Variants in CFAP77 observed in about 807,000 individuals in gnomAD.
CFAP77 encodes the protein cilia- and flagella-associated protein 77.
CFAP77 carries 25 observed loss-of-function variants against 31.1 expected under a neutral mutation model. The observed-to-expected ratio is 0.80, with a 90% CI of 0.59 to 1.12. The LOEUF (loss-of-function observed/expected upper bound fraction) is 1.12, where lower values mean the gene tolerates loss of function less well. Among genes scored for constraint, CFAP77 ranks in the 50% most tolerant of loss-of-function variants. The pLI, the probability that CFAP77 is intolerant of heterozygous loss-of-function variation, is 0.00. For missense variants in CFAP77, 377 were observed against 397.3 expected (o/e 0.95, Z 0.44); for synonymous variants, 151 against 159.9 (o/e 0.94, Z 0.42).
At chr9:132,475,410 T>G (rs1026265857) in intron 1 of CFAP77, among the ~76,000 whole-genome samples, 1 of 152,204 alleles carries the variant, frequency 6.6e-6, no homozygotes, top group Non-Finnish European at 1.5e-5. Flanking sequence ...AAGGCTGGTC[T>G]GCAGTTGGGA....
At chr9:132,462,196 C>T (rs1050624113) in intron 1 of CFAP77, among the ~76,000 whole-genome samples, 44 of 152,048 alleles carry the variant, frequency 2.9e-4, no homozygotes, top group African/African-American at 1.0e-3. Context: ...GAATGGGTTC[C>T]CCTGGGACGG....
At chr9:132,478,040 G>A (rs748534560) in intron 1 of CFAP77, among the ~76,000 whole-genome samples, 2 of 151,642 alleles carry the variant, frequency 1.3e-5, no homozygotes, top group Non-Finnish European at 2.9e-5. Context: ...TTTCCTTCTC[G>A]TCTACCCAAC....
Position 132,477,210 on chromosome 9 carries a change from C to G in CFAP77, c.196-21485C>G, listed in dbSNP as rs555132292. 3.3e-5 allele frequency among the ~76,000 whole-genome samples: 5 copies of G among 152,242 alleles called. No homozygotes were observed. The South Asian group carries it at 8.3e-4, about 25-fold the overall frequency. On this transcript the variant is annotated intron_variant, in intron 1 of 5. Coordinates refer to ENST00000393216, the MANE Select transcript of CFAP77 (RefSeq NM_001282957.2). ...TGCCTCTGGCGATTAGCAAGGTGAC[C>G]CTGGGCACATGTCACCTCTCTGACT...
chr9:132,499,382 C>G lies in CFAP77; in HGVS notation c.306C>G (p.Arg102=). The G allele has an allele frequency of 6.2e-7, 1 of 1,614,104 alleles. No individual in the cohort carries two copies. Among genetic ancestry groups the G allele is most frequent in the East Asian group, 2.2e-5 (1 of 44,882 alleles). Residue 102 remains arginine (R), a synonymous_variant, in exon 3 of 6, where the codon CGC becomes CGG. Transcript: ENST00000393216. The surrounding 1 kb of genome is among the most constrained non-coding windows in gnomAD (Gnocchi z 5.4). ...LDGGVPEAIG[R]WNVFKQQPTC... ...TCTCCCTGCCCTCAGCCATCGGACG[C>G]TGGAACGTGTTCAAGCAGCAGCCCA...
At chr9:132,572,056 G>A (rs1829965605) in intron 5 of CFAP77, among the ~76,000 whole-genome samples, 1 of 152,214 alleles carries the variant, frequency 6.6e-6, no homozygotes, top group Middle Eastern at 3.4e-3. Flanking sequence ...CTTGTTTGGG[G>A]TTTTTAATGG....
intron 1 of CFAP77, among the ~76,000 whole-genome samples, chr9:132,428,098 A>G (rs958634185): frequency 7.9e-5 from 12 of 151,898 alleles, no homozygotes; most frequent in East Asian, 1.9e-4. Context: ...TCCTGGCTCA[A>G]GTGATTCTCC....
chr9:132,529,658 C>T (rs1025337058), intron 3 of CFAP77, among the ~76,000 whole-genome samples: 68 of 151,752 alleles, frequency 4.5e-4, no homozygotes, highest in African/African-American at 1.4e-3. Flanking sequence ...AACCCCGTCT[C>T]TACTAAAAAT....
chr9:132,531,736 C>G (rs1040231054), intron 3 of CFAP77, among the ~76,000 whole-genome samples: 1 of 152,036 alleles, frequency 6.6e-6, no homozygotes, highest in African/African-American at 2.4e-5. Context: ...CAAGGTAATG[C>G]GCCCCAGCAG....
chr9:132,470,969 C>T (rs1420375066), intron 1 of CFAP77, among the ~76,000 whole-genome samples: 2 of 152,194 alleles, frequency 1.3e-5, no homozygotes, highest in African/African-American at 4.8e-5. Context: ...CAGAGTGAGA[C>T]TCTGTTTCAA....
Position 132,412,521 on chromosome 9 carries a change from C to G in CFAP77, c.195+2055C>G, listed in dbSNP as rs182988296. ...CAGAGAAATTGACCGCAAAAGGGAA[C>G]CTTGACTGTTATCTTTTCTGGACCC... On this transcript the variant is annotated intron_variant, in intron 1 of 5. Transcript: ENST00000393216. 3.9e-5 allele frequency among the ~76,000 whole-genome samples: 6 copies of G among 152,214 alleles called. No homozygotes were observed. The East Asian group carries it at 7.7e-4, about 20-fold the overall frequency.
chr9:132,493,883 T>C (rs73556757), intron 1 of CFAP77, among the ~76,000 whole-genome samples: 13,676 of 150,882 alleles, frequency 0.091, 964 homozygotes, highest in African/African-American at 0.2. Flanking sequence ...TCTTTCCTTT[T>C]CTTTTCTTTT....
chr9:132,531,912 G>C (rs913123076), intron 3 of CFAP77, among the ~76,000 whole-genome samples: 7 of 152,262 alleles, frequency 4.6e-5, no homozygotes, highest in African/African-American at 1.7e-4. Flanking sequence ...AGGGCTGAGG[G>C]TGCCTTTGTG....
rs1259849658 is a variant in CFAP77 at position 132,554,898 on chromosome 9, A to T, written c.732+11851A>T. 6.7e-6 allele frequency among the ~76,000 whole-genome samples: 1 copy of T among 148,734 alleles called. No homozygotes were observed. The highest frequency in any genetic ancestry group is 6.8e-5 in the Admixed American group (1 of 14,798). On this transcript the variant is annotated intron_variant, in intron 5 of 5. Transcript: ENST00000393216. This position sits in a 1 kb window ranked among gnomAD's most constrained non-coding sequence, Gnocchi z 4.1. ...CATTCATCTATCCAACCATCTATCTATCCATCCATCTATGCATGCATGCAT... is the reference window on the plus strand; with the variant it reads ...CATTCATCTATCCAACCATCTATCTTTCCATCCATCTATGCATGCATGCAT...
chr9:132,474,374 T>C (rs1477278781), intron 1 of CFAP77, among the ~76,000 whole-genome samples: 3 of 152,180 alleles, frequency 2.0e-5, no homozygotes, highest in African/African-American at 7.2e-5. Context: ...AAACACGTAA[T>C]TATAAAACTG....
At chr9:132,487,346 C>T (rs1009631459) in intron 1 of CFAP77, among the ~76,000 whole-genome samples, 51 of 152,106 alleles carry the variant, frequency 3.4e-4, no homozygotes, top group African/African-American at 1.2e-3. Context: ...CATGACCCCT[C>T]GCCCCCCAGC....
rs576416004 is a variant in CFAP77 at position 132,428,036 on chromosome 9, T to C, written c.195+17570T>C. On this transcript the variant is annotated intron_variant, in intron 1 of 5. Transcript: ENST00000393216. ...TTTTCTGAGACAGGGTCTTGCTTTG[T>C]CACCCAGGCTGGAGTTCAGTGGTAC... 4.0e-5 allele frequency among the ~76,000 whole-genome samples: 6 copies of C among 151,894 alleles called. No homozygotes were observed. The East Asian group carries it at 1.2e-3, about 29-fold the overall frequency.
chr9:132,548,552 A>C (rs1264485159), intron 5 of CFAP77, among the ~76,000 whole-genome samples: 3 of 152,176 alleles, frequency 2.0e-5, no homozygotes, highest in Admixed American at 2.0e-4. Flanking sequence ...CATGAAGGTC[A>C]GGGCTGTGCC....
At position 132,410,303 on chromosome 9, in the gene CFAP77, T is replaced by C. The variant is rs200191178; in HGVS notation, c.32T>C (p.Leu11Pro). The change falls in exon 1 of 6, where the codon CTC (leucine) becomes CCC (proline). Residue 11 changes from leucine to proline, a missense_variant. Transcript: ENST00000393216. ...GAGGCCAGGAGCTCCGGCCCGGACC[T>C]CACGCGATGGAGGAAGCAGCAGCAG... Reference protein sequence around the residue: MPEARSSGPDLTRWRKQQQPV... With the variant: MPEARSSGPDPTRWRKQQQPV... The C allele has an allele frequency of 4.8e-5, 77 of 1,592,350 alleles. No individual in the cohort carries two copies. In the African/African-American group the frequency reaches 8.4e-4, roughly 17 times the overall value.
At chr9:132,568,936 G>A (rs1829921903) in intron 5 of CFAP77, among the ~76,000 whole-genome samples, 1 of 152,158 alleles carries the variant, frequency 6.6e-6, no homozygotes, top group African/African-American at 2.4e-5. Context: ...CTGGGCTCAA[G>A]CAATCCACCT....
Sources: gnomAD v4.1 joint callset for allele counts (sites outside exome capture counted in the v4.1 genomes callset) on GRCh38, gnomAD v4.1.1 for gene constraint, Gnocchi (gnomAD v3.1) non-coding constraint, MANE v1.5 for transcripts, NCBI Gene and HGNC (gene_info 2026-07-23, HGNC 2026-07-21) for gene names.